The following LRRC2 variants were observed in gnomAD, a reference collection of about 807,000 sequenced individuals.
LRRC2 encodes leucine rich repeat containing 2, also known as leucine-rich repeat-containing protein 2.
In LRRC2, 27 loss-of-function variants were observed where a neutral mutation model predicts 40.2. That is an observed-to-expected ratio of 0.67 (90% CI 0.49 to 0.93). LRRC2 has a LOEUF of 0.93. Ranked by LOEUF, LRRC2 falls within the 40% of genes least tolerant of loss-of-function variation. The probability of loss-of-function intolerance (pLI) is 0.00; values close to 1 mark genes in which losing one functional copy is unlikely to be tolerated. For synonymous variants in LRRC2, 147 were observed against 158.9 expected (o/e 0.92, Z 0.56); for missense variants, 402 against 439.6 (o/e 0.91, Z 0.76).
In LRRC2 at chr3:46,518,759, T is replaced by C. The variant is rs760790813; in HGVS notation, c.*255A>G. The C allele has an allele frequency of 9.9e-6, 4 of 404,944 alleles. No individual in the cohort carries two copies. Among genetic ancestry groups the C allele is most frequent in the Admixed American group, 4.2e-5 (1 of 24,046 alleles). 25.1% of individuals were successfully genotyped at this position (404,944 alleles called of 1,614,324 possible). ...ATAAGACATTTTAAAACATATTAAA[T>C]GTGCATTATTTGGAAAAAAGTATAT... On this transcript the variant is annotated 3_prime_UTR_variant, in exon 9 of 9. Coordinates refer to ENST00000395905, the MANE Select transcript of LRRC2 (RefSeq NM_024512.5).
chr3:46,554,382 A>G (rs1043204569), intron 1 of LRRC2, among the ~76,000 whole-genome samples: 3 of 152,126 alleles, frequency 2.0e-5, no homozygotes, highest in Non-Finnish European at 4.4e-5. Flanking sequence ...GCAGTGGCTC[A>G]TGCCTGTAAT....
chr3:46,534,165 G>A (rs112941902), intron 4 of LRRC2, among the ~76,000 whole-genome samples: 31,741 of 151,990 alleles, frequency 0.21, 3,797 homozygotes, highest in Middle Eastern at 0.35. Context: ...CTGTGAGTGA[G>A]AACATGCGGT....
intron 7 of LRRC2, among the ~76,000 whole-genome samples, chr3:46,526,070 A>G (rs1346602664): frequency 6.6e-6 from 1 of 151,972 alleles, no homozygotes; most frequent in Admixed American, 6.6e-5. Flanking sequence ...CTCCTGCCTC[A>G]GCCTCCTGAG....
chr3:46,565,318 G>GA (rs1164366722), intron 1 of LRRC2, among the ~76,000 whole-genome samples: 1 of 152,146 alleles, frequency 6.6e-6, no homozygotes, highest in African/African-American at 2.4e-5. Context: ...ATGTGGACGT[G>GA]ATGGAGCAAA....
chr3:46,556,768 A>G (rs763623067), intron 1 of LRRC2, among the ~76,000 whole-genome samples: 34 of 151,842 alleles, frequency 2.2e-4, no homozygotes, highest in Middle Eastern at 6.8e-3. Context: ...TAGTAGAGAC[A>G]GGGTTTCACC....
intron 1 of LRRC2, among the ~76,000 whole-genome samples, chr3:46,562,254 C>T (rs1459835783): frequency 6.6e-6 from 1 of 152,156 alleles, no homozygotes; most frequent in Non-Finnish European, 1.5e-5. Flanking sequence ...AGGAGAGGAA[C>T]TGAGGCCTCC....
At chr3:46,535,273 G>T (rs1399690070) in intron 4 of LRRC2, among the ~76,000 whole-genome samples, 1 of 152,210 alleles carries the variant, frequency 6.6e-6, no homozygotes, top group Non-Finnish European at 1.5e-5. Context: ...ATACTCACAT[G>T]TCATAAGAAT....
intron 1 of LRRC2, among the ~76,000 whole-genome samples, chr3:46,565,100 C>T (rs1406366952): frequency 6.6e-6 from 1 of 152,210 alleles, no homozygotes; most frequent in Admixed American, 6.5e-5. Context: ...GACATTTATG[C>T]CACATGATCA....
intron 7 of LRRC2, among the ~76,000 whole-genome samples, chr3:46,523,758 T>G (rs576907984): frequency 2.0e-5 from 3 of 151,988 alleles, no homozygotes; most frequent in Non-Finnish European, 4.4e-5. Context: ...CATCCATCTA[T>G]CCACCCATTT....
chr3:46,555,695 T>C (rs1216449789), intron 1 of LRRC2, among the ~76,000 whole-genome samples: 1 of 152,208 alleles, frequency 6.6e-6, no homozygotes, highest in Non-Finnish European at 1.5e-5. Context: ...ATTATGTCAA[T>C]CAATGTTATA....
rs1297642719 is a variant in LRRC2, at chr3:46,553,978, TGTTGTTGTTGTTGTTGTTTCATTG to T, written c.-19-2392_-19-2369del. 4.0e-5 allele frequency among the ~76,000 whole-genome samples: 6 copies of T among 151,424 alleles called. No homozygotes were observed. In the East Asian group the frequency reaches 6.0e-4, roughly 15 times the overall value. Reference sequence around the variant, plus strand: ...TCTGATGTCTGAGACTGCCTTTGTTTGTTGTTGTTGTTGTTGTTTCATTGGTTGTTGTTGTTGTTTTTTTGTTGT... The same window carrying T: ...TCTGATGTCTGAGACTGCCTTTGTTTGTTGTTGTTGTTGTTTTTTTGTTGT... On this transcript the variant is annotated intron_variant, in intron 1 of 8. Coordinates refer to ENST00000395905, the MANE Select transcript of LRRC2 (RefSeq NM_024512.5).
At chr3:46,553,069 G>A (rs1372791152) in intron 1 of LRRC2, among the ~76,000 whole-genome samples, 2 of 152,060 alleles carry the variant, frequency 1.3e-5, no homozygotes, top group Non-Finnish European at 2.9e-5. Context: ...GTGAATGAAT[G>A]AATGAGTAAA....
intron 7 of LRRC2, among the ~76,000 whole-genome samples, chr3:46,526,876 C>T (rs946532165): frequency 7.2e-5 from 11 of 152,242 alleles, no homozygotes; most frequent in African/African-American, 2.4e-4. Context: ...ATTAATGGGG[C>T]AACCCCAAAG....
chr3:46,550,612 C>T (rs1053019657), intron 2 of LRRC2, among the ~76,000 whole-genome samples: 11 of 152,124 alleles, frequency 7.2e-5, no homozygotes, highest in Non-Finnish European at 1.6e-4. Context: ...AGGATGGTCT[C>T]GATCTCCTGA....
At chr3:46,546,285 G>C (rs888575624) in intron 2 of LRRC2, among the ~76,000 whole-genome samples, 2 of 152,216 alleles carry the variant, frequency 1.3e-5, no homozygotes, top group African/African-American at 4.8e-5. Flanking sequence ...CTGAAGGAAG[G>C]GTGGTTCAGA....
Position 46,532,919 on chromosome 3 carries a change from GAA to G in LRRC2, c.491-12_491-11del, listed in dbSNP as rs1449925423. ...AGGTTCTTCAAACAACCTGTCAGCAGAAAAAGTTAACATCCATTGAATAGGTC... is the reference window on the plus strand; with the variant it reads ...AGGTTCTTCAAACAACCTGTCAGCAGAAAGTTAACATCCATTGAATAGGTC... On this transcript the variant is annotated splice_polypyrimidine_tract_variant and intron_variant, in intron 4 of 8. Coordinates refer to ENST00000395905, the MANE Select transcript of LRRC2 (RefSeq NM_024512.5). 1.2e-6 allele frequency: 2 copies of G among 1,612,268 alleles called. No individual in the cohort carries two copies. The highest frequency in any genetic ancestry group is 4.5e-5 in the East Asian group (2 of 44,846).
At chr3:46,550,135 C>A (rs28595844) in intron 2 of LRRC2, among the ~76,000 whole-genome samples, 12,243 of 152,230 alleles carry the variant, frequency 0.08, 577 homozygotes, top group South Asian at 0.17. Flanking sequence ...GTGATTACAG[C>A]ATTATACAGA....
rs551476824 is a variant in LRRC2, at chr3:46,527,650, C to T, written c.774-69G>A. Reference sequence around the variant, plus strand: ...TAGCTAAGAAAACCAACATGAATTACAAATAAATTCTAACAGGAAGTCCCT... The same window carrying T: ...TAGCTAAGAAAACCAACATGAATTATAAATAAATTCTAACAGGAAGTCCCT... On this transcript the variant is annotated intron_variant, in intron 6 of 8. Transcript: ENST00000395905. 177 of 1,316,308 alleles carry T rather than the reference C, an allele frequency of 1.3e-4. 1 individual carries two copies. In the East Asian group the frequency reaches 4.1e-3, roughly 30 times the overall value. 81.5% of individuals were successfully genotyped at this position (1,316,308 alleles called of 1,614,324 possible). A position where few individuals can be genotyped will look rare whatever the true frequency, so the allele number is the denominator to read the frequency against.
chr3:46,519,521 T>C (rs1328122323), intron 8 of LRRC2, among the ~76,000 whole-genome samples: 1 of 152,198 alleles, frequency 6.6e-6, no homozygotes, highest in East Asian at 1.9e-4. Context: ...CTCTTCCCAC[T>C]AGTTGCTGAC....
Sources: allele counts gnomAD v4.1 joint callset (sites outside exome capture counted in the v4.1 genomes callset), GRCh38; gene constraint gnomAD v4.1.1; transcripts MANE v1.5; gene names NCBI Gene and HGNC (gene_info 2026-07-23, HGNC 2026-07-21).